SCD5: variants seen among roughly 807,000 people sequenced by gnomAD.
The protein encoded by SCD5 is acyl-CoA-desaturase 4.
In SCD5, 20 loss-of-function variants were observed where a neutral mutation model predicts 30.4. That is an observed-to-expected ratio of 0.66 (90% CI 0.46 to 0.96). The LOEUF (loss-of-function observed/expected upper bound fraction) is 0.96, where lower values mean the gene tolerates loss of function less well. Among genes scored for constraint, SCD5 ranks in the 40% least tolerant of loss-of-function variants. SCD5 has a pLI of 0.00. For synonymous variants in SCD5, 173 were observed against 176.4 expected (o/e 0.98, Z 0.16); for missense variants, 381 against 443.3 (o/e 0.86, Z 1.26).
chr4:82,674,641 G>GA (rs1213975800), intron 3 of SCD5, among the ~76,000 whole-genome samples: 5 of 152,146 alleles, frequency 3.3e-5, no homozygotes, highest in Non-Finnish European at 5.9e-5. Flanking sequence ...CAAAGGAGTT[G>GA]AAAACCTATG....
At chr4:82,785,594 T>C in intron 1 of SCD5, among the ~76,000 whole-genome samples, 1 of 152,212 alleles carries the variant, frequency 6.6e-6, no homozygotes, top group East Asian at 1.9e-4. Context: ...TATATGTCAA[T>C]AAATTTCGAT....
chr4:82,685,978 G>A (rs1295443948), intron 2 of SCD5, among the ~76,000 whole-genome samples: 1 of 151,746 alleles, frequency 6.6e-6, no homozygotes, highest in Non-Finnish European at 1.5e-5. Flanking sequence ...CTACCACACT[G>A]AGCAGTGCAA....
chr4:82,697,418 T>C (rs1719719268), intron 2 of SCD5, among the ~76,000 whole-genome samples: 1 of 152,062 alleles, frequency 6.6e-6, no homozygotes, highest in Non-Finnish European at 1.5e-5. Flanking sequence ...CATTAAAGAG[T>C]TCCCACCGTA....
chr4:82,649,797 G>A (rs1357567993), intron 3 of SCD5, among the ~76,000 whole-genome samples: 1 of 152,082 alleles, frequency 6.6e-6, no homozygotes, highest in African/African-American at 2.4e-5. Flanking sequence ...TGGCCAAATG[G>A]GTCTCCTGTT....
intron 3 of SCD5, 62 bp downstream of exon 3, chr4:82,680,645 A>G (rs933615795): frequency 2.0e-6 from 3 of 1,486,040 alleles, no homozygotes; most frequent in Admixed American, 1.7e-5. Context: ...AGTCCACCTC[A>G]TTGTGCTGTT....
chr4:82,704,461 A>G (rs1286705422), intron 2 of SCD5, among the ~76,000 whole-genome samples: 2 of 152,210 alleles, frequency 1.3e-5, no homozygotes, highest in Non-Finnish European at 2.9e-5. Flanking sequence ...GACCAAACCA[A>G]AAGTACCCAA....
At chr4:82,766,845 T>A (rs1721498740) in intron 1 of SCD5, among the ~76,000 whole-genome samples, 1 of 152,126 alleles carries the variant, frequency 6.6e-6, no homozygotes, top group Non-Finnish European at 1.5e-5. Flanking sequence ...ACCCAGCTAA[T>A]TTTTGTATTT....
At chr4:82,746,189 G>C (rs1245422865) in intron 1 of SCD5, among the ~76,000 whole-genome samples, 1 of 152,162 alleles carries the variant, frequency 6.6e-6, no homozygotes, top group Non-Finnish European at 1.5e-5. Flanking sequence ...AGAGAAAGTG[G>C]GGGACTGAAT....
chr4:82,726,777 AGACGCGCTG>A (rs959221356), intron 1 of SCD5, among the ~76,000 whole-genome samples: 1 of 152,176 alleles, frequency 6.6e-6, no homozygotes, highest in Non-Finnish European at 1.5e-5. Flanking sequence ...GTGCAGTGTG[AGACGCGCTG>A]GACTGGATAA....
chr4:82,702,984 G>A (rs905690031), intron 2 of SCD5, among the ~76,000 whole-genome samples: 6 of 152,140 alleles, frequency 3.9e-5, no homozygotes, highest in African/African-American at 9.7e-5. Flanking sequence ...TTCCACCTAG[G>A]TCTAAGTGAC....
chr4:82,631,914 A>G (rs1727303550), intron 4 of SCD5, among the ~76,000 whole-genome samples: 1 of 152,208 alleles, frequency 6.6e-6, no homozygotes, highest in African/African-American at 2.4e-5. Flanking sequence ...ACAAATGAGA[A>G]TCATTCAAAT....
At chr4:82,636,536 G>A in intron 4 of SCD5, 55 bp downstream of exon 4, 1 of 1,399,274 alleles carries the variant, frequency 7.1e-7, no homozygotes. Flanking sequence ...CTACTGAGAG[G>A]CCAAGAAAAC....
intron 3 of SCD5, among the ~76,000 whole-genome samples, chr4:82,645,489 G>A (rs911634727): frequency 6.6e-6 from 1 of 152,186 alleles, no homozygotes; most frequent in African/African-American, 2.4e-5. Context: ...GTTATTTCTA[G>A]AGCAGCATTC....
chr4:82,730,233 A>C (rs1362246428), intron 1 of SCD5, among the ~76,000 whole-genome samples: 2 of 127,090 alleles, frequency 1.6e-5, no homozygotes, highest in Non-Finnish European at 3.3e-5. Context: ...ATTATATATA[A>C]TATTTAAAAA....
chr4:82,793,159 AT>A (rs1351717191), intron 1 of SCD5, among the ~76,000 whole-genome samples: 2 of 152,134 alleles, frequency 1.3e-5, no homozygotes, highest in African/African-American at 4.8e-5. Flanking sequence ...CTTTTCTTAG[AT>A]TTTTAGTAGT....
In SCD5 at chr4:82,667,284, A is replaced by ACACACGCACG. The variant is rs796646593; in HGVS notation, c.569+13422_569+13423insCGTGCGTGTG. Reference sequence around the variant, plus strand: ...TGTATTTTTATACACACACACACACACACGCACGCACGCACGCATGCAAAT... The same window carrying ACACACGCACG: ...TGTATTTTTATACACACACACACACACACACGCACGCACGCACGCACGCACGCATGCAAAT... On this transcript the variant is annotated intron_variant, in intron 3 of 4. Coordinates refer to ENST00000319540, the MANE Select transcript of SCD5 (RefSeq NM_001037582.3). Among the ~76,000 whole-genome samples, 4 of 150,490 alleles carry ACACACGCACG rather than the reference A, an allele frequency of 2.7e-5. No homozygotes were observed. In the East Asian group the frequency reaches 5.9e-4, roughly 22 times the overall value.
chr4:82,711,646 C>T (rs1056486066), intron 1 of SCD5, among the ~76,000 whole-genome samples: 1 of 151,726 alleles, frequency 6.6e-6, no homozygotes, highest in Non-Finnish European at 1.5e-5. Flanking sequence ...GTGGAGGCTG[C>T]AGTGAGCCAG....
At chr4:82,785,380 C>T (rs997755794) in intron 1 of SCD5, among the ~76,000 whole-genome samples, 1 of 152,204 alleles carries the variant, frequency 6.6e-6, no homozygotes, top group Non-Finnish European at 1.5e-5. Context: ...AGCTTTAAGA[C>T]ATCAAAGGAA....
At chr4:82,754,173 G>A (rs901019474) in intron 1 of SCD5, among the ~76,000 whole-genome samples, 1 of 152,120 alleles carries the variant, frequency 6.6e-6, no homozygotes. Context: ...GAGTTAAGAA[G>A]GGCAAAAGAG....
Sources: gnomAD v4.1 joint callset for allele counts (sites outside exome capture counted in the v4.1 genomes callset) on GRCh38, gnomAD v4.1.1 for gene constraint, MANE v1.5 for transcripts, NCBI Gene and HGNC (gene_info 2026-07-23, HGNC 2026-07-21) for gene names.